MRLN: variants seen among roughly 807,000 people sequenced by gnomAD.
MRLN encodes the protein myoregulin, also known as Linc-RNA activator of myogenesis.
chr10:59,751,390 G>A (rs377582676), intron 1 of MRLN, among the ~76,000 whole-genome samples: 2 of 151,984 alleles, frequency 1.3e-5, no homozygotes, highest in East Asian at 1.9e-4. Context: ...GGCCAGGTGC[G>A]GTGGCTCACA....
chr10:59,748,708 C>G (rs369540055), intron 1 of MRLN, among the ~76,000 whole-genome samples: 5 of 152,240 alleles, frequency 3.3e-5, no homozygotes, highest in African/African-American at 1.2e-4. Context: ...TGAGGTCACA[C>G]AGTGACTTTT....
chr10:59,739,964 C>G (rs573872333), intron 1 of MRLN, among the ~76,000 whole-genome samples: 51 of 152,060 alleles, frequency 3.4e-4, no homozygotes, highest in African/African-American at 1.2e-3. Context: ...TGGTGGCAGG[C>G]GCCTGTAATC....
intron 1 of MRLN, among the ~76,000 whole-genome samples, chr10:59,742,716 T>C (rs1840997920): frequency 1.3e-5 from 2 of 151,720 alleles, no homozygotes; most frequent in South Asian, 4.2e-4. Flanking sequence ...TCCCTTTCTT[T>C]TCCTTCCTTC....
intron 1 of MRLN, among the ~76,000 whole-genome samples, chr10:59,748,672 G>A (rs1841066996): frequency 6.6e-6 from 1 of 152,182 alleles, no homozygotes; most frequent in Non-Finnish European, 1.5e-5. Flanking sequence ...TGACAAACAA[G>A]GCCCAGAGAA....
chr10:59,745,952 T>C (rs1257000407), intron 1 of MRLN, among the ~76,000 whole-genome samples: 2 of 152,220 alleles, frequency 1.3e-5, no homozygotes, highest in African/African-American at 4.8e-5. Context: ...CCCTCTATTA[T>C]ATAAAAGTAT....
intron 1 of MRLN, among the ~76,000 whole-genome samples, chr10:59,751,969 A>T (rs950461282): frequency 6.6e-6 from 1 of 152,244 alleles, no homozygotes; most frequent in East Asian, 1.9e-4. Context: ...AAACATAGAA[A>T]GACAGAGCAA....
Position 59,737,078 on chromosome 10 carries a change from A to G in MRLN, c.123T>C (p.Tyr41=), listed in dbSNP as rs1346057855. Residue 41 remains tyrosine (Y), a synonymous_variant, in exon 3 of 3, where the codon TAT becomes TAC. Coordinates refer to ENST00000414264, the MANE Select transcript of MRLN (RefSeq NM_001304731.2). ...VIFVDLISII[Y]VVITS ...CAGCTTTCTAAGAAGTTATCACAAC[A>G]TATATAATAGAAATTAAGTCAACAA... 2.5e-6 allele frequency: 1 copy of G among 397,334 alleles called. No homozygotes were observed. The highest frequency in any genetic ancestry group is 3.6e-5 in the East Asian group (1 of 27,892). The allele number at this position is 397,334 out of a possible 1,614,324, so 24.6% of individuals were successfully genotyped here.
chr10:59,737,307 G>T lies in MRLN; in HGVS notation c.-20-87C>A, dbSNP rs1487148952. 7.9e-6 allele frequency: 3 copies of T among 378,798 alleles called. No homozygotes were observed. The Admixed American group carries it at 1.4e-4, about 17-fold the overall frequency. 23.5% of individuals were successfully genotyped at this position (378,798 alleles called of 1,614,324 possible). On this transcript the variant is annotated intron_variant, in intron 2 of 2. Coordinates refer to ENST00000414264, the MANE Select transcript of MRLN (RefSeq NM_001304731.2). ...CAATCTAATATTTCCACTATAAAAAGATTGTGAACAAGGTAAGTCTTCCAG... is the reference window on the plus strand; with the variant it reads ...CAATCTAATATTTCCACTATAAAAATATTGTGAACAAGGTAAGTCTTCCAG...
In MRLN at chr10:59,747,797, G is replaced by A. The variant is rs564103320; in HGVS notation, c.-125+5557C>T. 2.8e-4 allele frequency among the ~76,000 whole-genome samples: 42 copies of A among 152,260 alleles called. 1 individual carries two copies. Among genetic ancestry groups the A allele is most frequent in the African/African-American group, 8.2e-4 (34 of 41,562 alleles). The stretch of plus-strand genomic sequence containing the variant: ...TGGATTCCAGTGCCTCACACTCTCC[G>A]ACACTAATTAGTTCTCAAAAAATAC... On this transcript the variant is annotated intron_variant, in intron 1 of 2. Transcript: ENST00000414264.
intron 1 of MRLN, among the ~76,000 whole-genome samples, chr10:59,752,380 C>T (rs2070166753): frequency 1.3e-5 from 2 of 152,312 alleles, no homozygotes; most frequent in East Asian, 3.9e-4. Flanking sequence ...TTCTTATATA[C>T]ACTGAGTAAA....
intron 1 of MRLN, among the ~76,000 whole-genome samples, chr10:59,751,798 A>T (rs1841106209): frequency 2.0e-5 from 3 of 152,144 alleles, no homozygotes; most frequent in Admixed American, 2.0e-4. Context: ...AATTAAATAC[A>T]TATTTGCACA....
chr10:59,742,995 G>T (rs1300720503), intron 1 of MRLN, among the ~76,000 whole-genome samples: 2 of 152,052 alleles, frequency 1.3e-5, no homozygotes, highest in Non-Finnish European at 2.9e-5. Context: ...CTCCCAAAGT[G>T]GTGGGATTAC....
intron 1 of MRLN, among the ~76,000 whole-genome samples, chr10:59,748,868 A>G (rs539316320): frequency 6.6e-6 from 1 of 152,372 alleles, no homozygotes; most frequent in South Asian, 2.1e-4. Flanking sequence ...CAGAGAGTCC[A>G]GATCAAAGCA....
chr10:59,748,836 TTGA>T (rs1428032278), intron 1 of MRLN, among the ~76,000 whole-genome samples: 1 of 152,220 alleles, frequency 6.6e-6, no homozygotes, highest in African/African-American at 2.4e-5. Flanking sequence ...TCCAACATCT[TTGA>T]TTCCAGCCCA....
chr10:59,748,682 A>C (rs1460881486), intron 1 of MRLN, among the ~76,000 whole-genome samples: 4 of 152,246 alleles, frequency 2.6e-5, no homozygotes, highest in Non-Finnish European at 4.4e-5. Context: ...GGCCCAGAGA[A>C]GTGCAGAGAC....
intron 1 of MRLN, among the ~76,000 whole-genome samples, chr10:59,748,213 A>G (rs1841062344): frequency 1.3e-5 from 2 of 151,804 alleles, no homozygotes; most frequent in South Asian, 4.1e-4. Context: ...CACCGTTTCT[A>G]CAGCATACTG....
chr10:59,752,245 A>G (rs1034746377), intron 1 of MRLN, among the ~76,000 whole-genome samples: 2 of 152,200 alleles, frequency 1.3e-5, no homozygotes, highest in African/African-American at 2.4e-5. Context: ...CCCATCAAAA[A>G]CCATATTTGG....
At chr10:59,744,653 T>A (rs1247767761) in intron 1 of MRLN, among the ~76,000 whole-genome samples, 1 of 152,074 alleles carries the variant, frequency 6.6e-6, no homozygotes, top group East Asian at 1.9e-4. Context: ...AAGATGGCGG[T>A]TTTGTCGAAT....
intron 1 of MRLN, among the ~76,000 whole-genome samples, chr10:59,745,383 T>A (rs1405869070): frequency 6.6e-6 from 1 of 152,136 alleles, no homozygotes; most frequent in East Asian, 1.9e-4. Flanking sequence ...TGTTTTAACA[T>A]CATAGTTAAA....
Sources: allele counts gnomAD v4.1 joint callset (sites outside exome capture counted in the v4.1 genomes callset), GRCh38; gene constraint gnomAD v4.1.1; transcripts MANE v1.5; gene names NCBI Gene and HGNC (gene_info 2026-07-23, HGNC 2026-07-21).